Variants in DCLK3 observed in about 807,000 individuals in gnomAD.
DCLK3 encodes the protein serine/threonine-protein kinase DCLK3.
Under a neutral mutation model 46.4 loss-of-function variants are expected in DCLK3, and 30 were observed. That is an observed-to-expected ratio of 0.65 (90% CI 0.48 to 0.88). The LOEUF (loss-of-function observed/expected upper bound fraction) is 0.88. Ranked by LOEUF, DCLK3 falls within the 40% of genes least tolerant of loss-of-function variation. DCLK3 has a pLI of 0.00. For missense variants in DCLK3, 846 were observed against 907.1 expected (o/e 0.93, Z 0.87); for synonymous variants, 401 against 339.2 (o/e 1.18, Z -2.00).
At chr3:36,721,786 C>A in intron 2 of DCLK3, 127 bp from the exon 3 acceptor site, 1 of 1,103,896 alleles carries the variant, frequency 9.1e-7, no homozygotes, top group Non-Finnish European at 1.3e-6. Flanking sequence ...TACAGCTTAG[C>A]CCAACACTGA....
intron 1 of DCLK3, among the ~76,000 whole-genome samples, chr3:36,756,293 A>G (rs1701484065): frequency 6.6e-6 from 1 of 152,194 alleles, no homozygotes; most frequent in Non-Finnish European, 1.5e-5. Context: ...ATTCCCTTCC[A>G]TTGGTGGTTG....
At chr3:36,750,804 T>C (rs1471129023) in intron 1 of DCLK3, among the ~76,000 whole-genome samples, 1 of 152,156 alleles carries the variant, frequency 6.6e-6, no homozygotes, top group East Asian at 1.9e-4. Flanking sequence ...GTGAATGTTT[T>C]TGAACAATGA....
intron 2 of DCLK3, among the ~76,000 whole-genome samples, chr3:36,726,866 G>C (rs1174377733): frequency 6.6e-6 from 1 of 152,180 alleles, no homozygotes; most frequent in African/African-American, 2.4e-5. Context: ...TTGTTTGGAA[G>C]GGAAGGAAAA....
chr3:36,727,680 A>G (rs1181506825), intron 2 of DCLK3, among the ~76,000 whole-genome samples: 1 of 152,220 alleles, frequency 6.6e-6, no homozygotes, highest in Non-Finnish European at 1.5e-5. Flanking sequence ...GGTTAAGATC[A>G]GTGGTGCCAC....
At chr3:36,761,559 G>A (rs1252422555) in intron 1 of DCLK3, among the ~76,000 whole-genome samples, 1 of 152,100 alleles carries the variant, frequency 6.6e-6, no homozygotes, top group Non-Finnish European at 1.5e-5. Context: ...CTTCAAAAGG[G>A]GCTCTGCTCC....
rs1324744297 is a variant in DCLK3, at chr3:36,737,660, G to A, written c.1507C>T (p.Pro503Ser). 1 of 1,613,878 alleles carries A rather than the reference G, an allele frequency of 6.2e-7. No individual in the cohort carries two copies. Among genetic ancestry groups the A allele is most frequent in the African/African-American group, 1.3e-5 (1 of 75,030 alleles). The change falls in exon 2 of 5, where the codon CCA becomes TCA. Residue 503 changes from proline to serine, a missense_variant. Around this residue, in one of 3 missense-constraint regions of DCLK3, gnomAD observed 553 missense variants for 543.0 expected, o/e 1.02. Transcript: ENST00000636136. This position sits in a 1 kb window ranked among gnomAD's most constrained non-coding sequence, Gnocchi z 4.4. ...GGCTTCCGACCGCTGGGCCGCTCTG[G>A]CTTGTTCTCTTCTGGCCTCGTCTTG... ...EPKTRPEENK[P>S]ERPSGRKPRP...
intron 1 of DCLK3, among the ~76,000 whole-genome samples, chr3:36,763,268 GACTA>G (rs1456471268): frequency 2.6e-5 from 4 of 152,222 alleles, no homozygotes; most frequent in Admixed American, 6.5e-5. Context: ...GTGGAGGAAT[GACTA>G]ACTGTTAGGA....
intron 1 of DCLK3, among the ~76,000 whole-genome samples, chr3:36,750,642 T>C (rs954515326): frequency 1.3e-5 from 2 of 152,174 alleles, no homozygotes; most frequent in African/African-American, 4.8e-5. Context: ...ATGCAAAAGC[T>C]GTGTGGGCGC....
chr3:36,760,394 C>A (rs1348661214), intron 1 of DCLK3, among the ~76,000 whole-genome samples: 1 of 150,398 alleles, frequency 6.6e-6, no homozygotes, highest in Non-Finnish European at 1.5e-5. Flanking sequence ...CCAAACACCG[C>A]ATTTTCTCAC....
chr3:36,763,993 C>CACACACGTACACACACAT (rs886070936), intron 1 of DCLK3, among the ~76,000 whole-genome samples, 189 bp downstream of exon 1: 4 of 152,302 alleles, frequency 2.6e-5, no homozygotes, highest in African/African-American at 4.8e-5. Context: ...CGCGCGTTTA[C>CACACACGTACACACACAT]ACACACGTAC....
At chr3:36,718,409 C>T (rs889372307) in intron 3 of DCLK3, among the ~76,000 whole-genome samples, 1 of 152,162 alleles carries the variant, frequency 6.6e-6, no homozygotes, top group Admixed American at 6.5e-5. Flanking sequence ...CTTTGCAATG[C>T]CTTATTACTG....
intron 1 of DCLK3, among the ~76,000 whole-genome samples, chr3:36,753,203 T>A (rs1224972827): frequency 6.6e-6 from 1 of 152,212 alleles, no homozygotes; most frequent in East Asian, 1.9e-4. Context: ...TTGACAGTTA[T>A]TCAAGGCAGC....
chr3:36,755,414 C>T (rs4678547), intron 1 of DCLK3, among the ~76,000 whole-genome samples: 114,799 of 152,024 alleles, frequency 0.76, 43,727 homozygotes, highest in Middle Eastern at 0.86. Context: ...GAGAATTTAA[C>T]GTATAATGAA....
chr3:36,744,256 G>A (rs753393047), intron 1 of DCLK3, among the ~76,000 whole-genome samples: 1 of 152,174 alleles, frequency 6.6e-6, no homozygotes, highest in Non-Finnish European at 1.5e-5. Context: ...AGCTCTCACT[G>A]TAAATAACTG....
Position 36,712,444 on chromosome 3 carries a change from G to C in DCLK3, c.*2884C>G, listed in dbSNP as rs1172302978. ...ACTATATTTTTAACAACTTTATTGA[G>C]GTATAATTGACACACAATAAACTGC... On this transcript the variant is annotated 3_prime_UTR_variant, in exon 5 of 5. Transcript: ENST00000636136. 1 of 152,110 alleles carries C rather than the reference G, an allele frequency of 6.6e-6. No homozygotes were observed. Among genetic ancestry groups the C allele is most frequent in the African/African-American group, 2.4e-5 (1 of 41,396 alleles). 9.4% of individuals were successfully genotyped at this position (152,110 alleles called of 1,614,324 possible). A position where few individuals can be genotyped will look rare whatever the true frequency, so the allele number is the denominator to read the frequency against.
chr3:36,725,037 G>A (rs200618302), intron 2 of DCLK3, among the ~76,000 whole-genome samples: 55 of 151,118 alleles, frequency 3.6e-4, no homozygotes, highest in East Asian at 2.3e-3. Flanking sequence ...AAAATGGGCC[G>A]GGCTCGGTGG....
In DCLK3 at chr3:36,738,167, C is replaced by T. The variant is rs992460635; in HGVS notation, c.1000G>A (p.Asp334Asn). 3 of 1,613,920 alleles carry T rather than the reference C, an allele frequency of 1.9e-6. No homozygotes were observed. In the African/African-American group the frequency reaches 4.0e-5, roughly 22 times the overall value. The change falls in exon 2 of 5, where the codon GAT (aspartate) becomes AAT (asparagine). Residue 334 changes from aspartate (D) to asparagine (N), a missense_variant. Asp to Asn is a conservative substitution (Grantham distance 23, BLOSUM62 1). Around this residue, in one of 3 missense-constraint regions of DCLK3, gnomAD observed 553 missense variants for 543.0 expected, o/e 1.02. Coordinates refer to ENST00000636136, the MANE Select transcript of DCLK3 (RefSeq NM_001394672.2). ...TCATACATTGGGCCCTTCCCCATAT[C>T]CAGCTCACTGGTCCCCAGAGAAAGC... Reference protein sequence around the residue: ...ERLSLGTSELDMGKGPMYDVE... With the variant: ...ERLSLGTSELNMGKGPMYDVE...
chr3:36,728,010 A>G (rs1701145881), intron 2 of DCLK3, among the ~76,000 whole-genome samples: 1 of 152,218 alleles, frequency 6.6e-6, no homozygotes, highest in Admixed American at 6.5e-5. Flanking sequence ...CCACCCAAAC[A>G]AAAAACGTGT....
intron 1 of DCLK3, among the ~76,000 whole-genome samples, chr3:36,747,672 C>T (rs1198640291): frequency 6.6e-6 from 1 of 152,100 alleles, no homozygotes; most frequent in Non-Finnish European, 1.5e-5. Flanking sequence ...TCCGCTTTTA[C>T]ATAAATAGGG....
Sources: allele counts gnomAD v4.1 joint callset (sites outside exome capture counted in the v4.1 genomes callset), GRCh38; gene constraint gnomAD v4.1.1; regional missense constraint gnomAD v4.1.1; non-coding constraint Gnocchi (gnomAD v3.1); transcripts MANE v1.5; gene names NCBI Gene and HGNC (gene_info 2026-07-23, HGNC 2026-07-21).